The following PDE1A variants were observed in gnomAD, a reference collection of about 807,000 sequenced individuals.
The protein encoded by PDE1A is phosphodiesterase 1A.
PDE1A carries 35 observed loss-of-function variants against 61.7 expected under a neutral mutation model. The ratio of observed to expected loss-of-function variants is 0.57; its 90% CI spans 0.43 to 0.75. The LOEUF (loss-of-function observed/expected upper bound fraction) is 0.75, where lower values mean the gene tolerates loss of function less well. PDE1A is among the 30% of genes least tolerant of loss of function. The probability of loss-of-function intolerance (pLI) is 0.00; values close to 1 mark genes in which losing one functional copy is unlikely to be tolerated. For missense variants in PDE1A, 597 were observed against 630.6 expected, an observed-to-expected ratio of 0.95 and a Z score of 0.57; for synonymous variants, 232 against 213.2, an observed-to-expected ratio of 1.09 and a Z score of -0.77.
the PDE1A span, among the ~76,000 whole-genome samples, chr2:182,640,554 T>C: frequency 6.6e-6 from 1 of 152,152 alleles, no homozygotes; most frequent in Non-Finnish European, 1.5e-5. Context: ...AATACTAAAA[T>C]GATTTTATTT....
the PDE1A span, among the ~76,000 whole-genome samples, chr2:182,577,972 G>A: frequency 6.7e-6 from 1 of 148,432 alleles, no homozygotes; most frequent in Non-Finnish European, 1.5e-5. Context: ...AAGGAAGGAA[G>A]GAAGGAAGGA....
chr2:182,215,449 A>T (rs1377558432), intron 7 of PDE1A, among the ~76,000 whole-genome samples: 1 of 149,550 alleles, frequency 6.7e-6, no homozygotes. Flanking sequence ...GACATAAAAA[A>T]CCCTTCAAAA....
At chr2:182,661,437 C>A in the PDE1A span, among the ~76,000 whole-genome samples, 1 of 152,146 alleles carries the variant, frequency 6.6e-6, no homozygotes. Flanking sequence ...GAATCAAAGA[C>A]AAATTCTCAA....
At chr2:182,517,595 G>A (rs1295749908) in intron 2 of PDE1A, among the ~76,000 whole-genome samples, 1 of 152,206 alleles carries the variant, frequency 6.6e-6, no homozygotes, top group Non-Finnish European at 1.5e-5. Flanking sequence ...AGGGAAGGTG[G>A]ATTTTGTTAC....
chr2:182,618,075 T>G, the PDE1A span, among the ~76,000 whole-genome samples: 4 of 152,248 alleles, frequency 2.6e-5, no homozygotes, highest in African/African-American at 9.6e-5. Context: ...TGCTGCCTGC[T>G]TAATGTTCTA....
At chr2:182,283,882 C>A (rs1693987537) in intron 1 of PDE1A, among the ~76,000 whole-genome samples, 3 of 152,036 alleles carry the variant, frequency 2.0e-5, no homozygotes, top group African/African-American at 7.2e-5. Flanking sequence ...CATTATCAAA[C>A]CTCATTTTAA....
At chr2:182,309,707 T>G (rs190054717) in intron 1 of PDE1A, among the ~76,000 whole-genome samples, 83 of 152,218 alleles carry the variant, frequency 5.5e-4, no homozygotes, top group African/African-American at 1.7e-3. Context: ...AAAACCTTAT[T>G]TTTCAGATAT....
Position 182,414,952 on chromosome 2 carries a change from C to T in PDE1A, c.53+11626G>A, listed in dbSNP as rs183814857. Among the ~76,000 whole-genome samples, 910 of 152,208 alleles carry T rather than the reference C, an allele frequency of 6.0e-3. 6 individuals carry two copies. The highest frequency in any genetic ancestry group is 0.014 in the Middle Eastern group (4 of 294). On this transcript the variant is annotated intron_variant, in intron 1 of 13. Coordinates refer to ENST00000351439, the Ensembl canonical transcript of PDE1A. ...TTTACATAATGTTTAGCTCAGTGGT[C>T]ATTTGGTACAACTGTTCAGCTCCTT... is the stretch of plus-strand genomic sequence containing the variant.
the PDE1A span, among the ~76,000 whole-genome samples, chr2:182,559,564 C>T: frequency 3.3e-5 from 5 of 152,270 alleles, no homozygotes; most frequent in Non-Finnish European, 4.4e-5. Context: ...TTGAAAACTA[C>T]TTTACGGTAC....
intron 1 of PDE1A, among the ~76,000 whole-genome samples, chr2:182,304,409 T>G (rs1695446782): frequency 6.6e-6 from 1 of 152,246 alleles, no homozygotes; most frequent in South Asian, 2.1e-4. Context: ...TTATAATTCA[T>G]GTTTTCACTA....
At chr2:182,398,999 T>C (rs1249094078) in intron 1 of PDE1A, among the ~76,000 whole-genome samples, 2 of 151,980 alleles carry the variant, frequency 1.3e-5, no homozygotes, top group African/African-American at 2.4e-5. Flanking sequence ...TTAATAATAA[T>C]ACCTATTGAA....
the PDE1A span, among the ~76,000 whole-genome samples, chr2:182,568,212 A>T: frequency 6.6e-6 from 1 of 152,044 alleles, no homozygotes. Flanking sequence ...TTGGTTTTTA[A>T]TCTGTTCTTT....
chr2:182,272,882 T>C (rs1217932240), intron 1 of PDE1A, among the ~76,000 whole-genome samples: 2 of 152,156 alleles, frequency 1.3e-5, no homozygotes, highest in Non-Finnish European at 2.9e-5. Flanking sequence ...TACTATCTGA[T>C]TGACAGTTGA....
At chr2:182,350,099 T>C (rs376717074) in intron 1 of PDE1A, among the ~76,000 whole-genome samples, 5 of 152,180 alleles carry the variant, frequency 3.3e-5, no homozygotes, top group African/African-American at 1.2e-4. Context: ...CTGTGACTTC[T>C]AACACCACAG....
intron 1 of PDE1A, among the ~76,000 whole-genome samples, chr2:182,368,636 T>C (rs1699968239): frequency 6.6e-6 from 1 of 152,128 alleles, no homozygotes; most frequent in East Asian, 1.9e-4. Context: ...TCTCTGTTGT[T>C]GAATCTAGAG....
chr2:182,714,701 G>A, the PDE1A span, among the ~76,000 whole-genome samples: 1 of 151,990 alleles, frequency 6.6e-6, no homozygotes, highest in Non-Finnish European at 1.5e-5. Flanking sequence ...TGGGATTATA[G>A]GGGTGTGCCA....
At chr2:182,660,664 AG>A in the PDE1A span, among the ~76,000 whole-genome samples, 8 of 152,200 alleles carry the variant, frequency 5.3e-5, no homozygotes, top group Non-Finnish European at 5.9e-5. Flanking sequence ...GTCTACAGAG[AG>A]GGGTGGCCTT....
intron 2 of PDE1A, among the ~76,000 whole-genome samples, chr2:182,497,808 C>A (rs1258197330): frequency 6.6e-6 from 1 of 151,692 alleles, no homozygotes; most frequent in Non-Finnish European, 1.5e-5. Context: ...TTTGGGAGGC[C>A]GAGGTCGGCG....
chr2:182,202,137 C>G (rs1263668356), intron 8 of PDE1A, among the ~76,000 whole-genome samples: 1 of 152,022 alleles, frequency 6.6e-6, no homozygotes, highest in Non-Finnish European at 1.5e-5. Context: ...AAAAACTATT[C>G]CAAATACAGT....
Sources: gnomAD v4.1 joint callset for allele counts (sites outside exome capture counted in the v4.1 genomes callset) on GRCh38, gnomAD v4.1.1 for gene constraint, MANE v1.5 for transcripts, NCBI Gene and HGNC (gene_info 2026-07-23, HGNC 2026-07-21) for gene names.